Variants in BCL2L12 observed in about 807,000 individuals in gnomAD.
The protein encoded by BCL2L12 is bcl-2-like protein 12.
In BCL2L12, 27 loss-of-function variants were observed where a neutral mutation model predicts 25.7. The observed-to-expected ratio is 1.05, with a 90% CI of 0.78 to 1.45. The LOEUF is 1.45. Among genes scored for constraint, BCL2L12 ranks in the 40% most tolerant of loss-of-function variants. The probability of loss-of-function intolerance (pLI) is 0.00; values close to 1 mark genes in which losing one functional copy is unlikely to be tolerated. For synonymous variants in BCL2L12, 132 were observed against 145.6 expected (o/e 0.91, Z 0.67); for missense variants, 302 against 329.8 (o/e 0.92, Z 0.65).
At chr19:49,665,640 A>G, upstream of BCL2L12, 1 of 718,300 alleles carries the variant, frequency 1.4e-6, no homozygotes, top group South Asian at 2.0e-5. Context: ...CCTACGATGG[A>G]AGGTCGGGGC....
At position 49,667,175 on chromosome 19, in the gene BCL2L12, A is replaced by G. The variant is rs1476154303; in HGVS notation, c.250+14A>G. On this transcript the variant is annotated intron_variant, in intron 3 of 6. Transcript: ENST00000246784. ...GTTTAGAGCCTGGTAAGAGATTTCC[A>G]TGATCATCTATGAAGCCGGCAGAAC... 1.0e-5 allele frequency: 16 copies of G among 1,606,506 alleles called. No individual in the cohort carries two copies. The highest frequency in any genetic ancestry group is 2.2e-5 in the East Asian group (1 of 44,660).
At chr19:49,665,671 C>G, upstream of BCL2L12, 2 of 1,067,190 alleles carry the variant, frequency 1.9e-6, no homozygotes, top group Non-Finnish European at 2.7e-6. Flanking sequence ...CTGGAACCCA[C>G]CCCTGTCTTG....
At position 49,666,799 on chromosome 19, in the gene BCL2L12, G is replaced by T; in HGVS notation, c.107G>T (p.Arg36Ile). ...AAGSPVPTPP[R>I]SPAQEEPTDF... ...GGGTCTCCTGTTCCAACTCCACCTA[G>T]GTAAGAGGAGTGGCCCTTCTCCCCC... is the stretch of plus-strand genomic sequence containing the variant. Residue 36 changes from arginine to isoleucine, a missense_variant and splice_region_variant, in exon 2 of 7, where the codon AGA becomes ATA. By Grantham distance (97) the Arg-to-Ile change is moderately conservative. Transcript: ENST00000246784. The T allele has an allele frequency of 6.4e-7, 1 of 1,555,486 alleles. No individual in the cohort carries two copies. The highest frequency in any genetic ancestry group is 8.7e-7 in the Non-Finnish European group (1 of 1,148,796).
At chr19:49,671,690 GT>G (rs1259759945) in intron 6 of BCL2L12, among the ~76,000 whole-genome samples, 1 of 152,144 alleles carries the variant, frequency 6.6e-6, no homozygotes, top group Non-Finnish European at 1.5e-5. Context: ...CGCTCTGAGG[GT>G]TAAAATGGGG....
intron 6 of BCL2L12, 37 bp from the exon 7 acceptor site, chr19:49,673,661 G>T (rs749286229): frequency 1.3e-6 from 2 of 1,559,352 alleles, no homozygotes; most frequent in Admixed American, 1.7e-5. Context: ...GGGAACACCT[G>T]CCCTGCTCAC....
At chr19:49,669,504 C>T (rs1372797258) in intron 5 of BCL2L12, among the ~76,000 whole-genome samples, 1 of 150,490 alleles carries the variant, frequency 6.6e-6, no homozygotes, top group Non-Finnish European at 1.5e-5. Flanking sequence ...CCACTGCACT[C>T]CAGCCTGGGT....
chr19:49,671,022 C>T (rs763326412), intron 6 of BCL2L12, among the ~76,000 whole-genome samples: 1 of 151,698 alleles, frequency 6.6e-6, no homozygotes, highest in Non-Finnish European at 1.5e-5. Flanking sequence ...ATTAGCCGGG[C>T]GCGGTGGCAG....
intron 5 of BCL2L12, 38 bp from the exon 6 acceptor site, chr19:49,670,178 G>A (rs779675983): frequency 2.5e-6 from 4 of 1,585,934 alleles, no homozygotes; most frequent in Non-Finnish European, 2.6e-6. Context: ...GGCCCCGGGG[G>A]CGCTGCTGAC....
At chr19:49,665,231 A>G (rs2081619255), upstream of BCL2L12, 1 of 211,004 alleles carries the variant, frequency 4.7e-6, no homozygotes, top group Non-Finnish European at 9.7e-6. Flanking sequence ...TACCTCCTGC[A>G]CTTACCCCAA....
intron 2 of BCL2L12, 74 bp from the exon 3 acceptor site, chr19:49,666,945 G>A (rs879658055): frequency 1.3e-6 from 2 of 1,565,890 alleles, no homozygotes; most frequent in African/African-American, 2.7e-5. Context: ...CAGCGGGGGA[G>A]GGAGGGAGTT....
At chr19:49,668,135 G>A (rs2081863935) in intron 3 of BCL2L12, among the ~76,000 whole-genome samples, 1 of 113,566 alleles carries the variant, frequency 8.8e-6, no homozygotes, top group South Asian at 2.8e-4. Flanking sequence ...CGCCCTTGTT[G>A]CCCAGGCTGG....
In BCL2L12 at chr19:49,673,755, T is replaced by C; in HGVS notation, c.*7T>C. ...GAACTTGCCATTGGACTGAGCTCTTTCTCAGAAGCTGCTACAAGATGACAC... is the reference window on the plus strand; with the variant it reads ...GAACTTGCCATTGGACTGAGCTCTTCCTCAGAAGCTGCTACAAGATGACAC... On this transcript the variant is annotated 3_prime_UTR_variant, in exon 7 of 7. Coordinates refer to ENST00000246784, the MANE Select transcript of BCL2L12 (RefSeq NM_138639.2). 6.2e-7 allele frequency: 1 copy of C among 1,614,168 alleles called. No individual in the cohort carries two copies. The highest frequency in any genetic ancestry group is 8.5e-7 in the Non-Finnish European group (1 of 1,179,978).
At chr19:49,670,120 A>G (rs1256475297) in intron 5 of BCL2L12, 96 bp from the exon 6 acceptor site, 7 of 1,468,878 alleles carry the variant, frequency 4.8e-6, no homozygotes, top group Non-Finnish European at 5.4e-6. Flanking sequence ...CTTAGCATCT[A>G]GAACGATCCT....
At position 49,666,714 on chromosome 19, in the gene BCL2L12, G is replaced by A; in HGVS notation, c.22G>A (p.Gly8Arg). 6.4e-7 allele frequency: 1 copy of A among 1,554,728 alleles called. No homozygotes were observed. ...CTCCATGGCAGGCTCTGAAGAGCTG[G>A]GGCTCCGGGAAGACACGCTGAGGGT... MAGSEEL[G>R]LREDTLRVLA... is the part of the protein sequence containing the mutation. Residue 8 changes from glycine to arginine, a missense_variant, in exon 2 of 7, where the codon GGG becomes AGG. By Grantham distance (125) the Gly-to-Arg change is moderately radical (BLOSUM62 -2). Transcript: ENST00000246784.
At chr19:49,668,182 A>G (rs1304590760) in intron 3 of BCL2L12, among the ~76,000 whole-genome samples, 2 of 137,156 alleles carry the variant, frequency 1.5e-5, no homozygotes, top group Non-Finnish European at 1.5e-5. Context: ...CACAACCTCT[A>G]CCTCCCGGGT....
At chr19:49,669,236 G>A in intron 5 of BCL2L12, 121 bp downstream of exon 5, 1 of 1,491,214 alleles carries the variant, frequency 6.7e-7, no homozygotes. Flanking sequence ...CTGGGACAAG[G>A]TTTCAATGAA....
chr19:49,669,774 G>A (rs1306205806), intron 5 of BCL2L12, among the ~76,000 whole-genome samples: 2 of 152,122 alleles, frequency 1.3e-5, no homozygotes, highest in African/African-American at 4.8e-5. Context: ...GGCTTAGAAT[G>A]TAGGGGAAAA....
chr19:49,670,424 T>G lies in BCL2L12; in HGVS notation c.638T>G (p.Leu213Arg), dbSNP rs1369955865. 3 of 1,541,534 alleles carry G rather than the reference T, an allele frequency of 1.9e-6. No individual in the cohort carries two copies. The highest frequency in any genetic ancestry group is 4.2e-5 in the Admixed American group (2 of 47,678). Residue 213 changes from leucine (L) to arginine (R), a missense_variant, in exon 6 of 7, where the codon CTG becomes CGG. Transcript: ENST00000246784. ...SRRVAGLGGT[L>R]AGLSVEHVHS... The stretch of plus-strand genomic sequence containing the variant: ...CGCGTGGCCGGGCTGGGGGGCACCC[T>G]GGCCGGACTCAGCGTGGAGCACGTG...
chr19:49,672,723 G>C lies in BCL2L12; in HGVS notation c.703-975G>C, dbSNP rs963784573. ...TGCAGGGCGACATCTTAAGTTCCCCGAGATGGGGAAGGTGTGGGGATGGGG... is the reference window on the plus strand; with the variant it reads ...TGCAGGGCGACATCTTAAGTTCCCCCAGATGGGGAAGGTGTGGGGATGGGG... On this transcript the variant is annotated intron_variant, in intron 6 of 6. Coordinates refer to ENST00000246784, the MANE Select transcript of BCL2L12 (RefSeq NM_138639.2). This position sits in a 1 kb window ranked among gnomAD's most constrained non-coding sequence, Gnocchi z 4.1. Among the ~76,000 whole-genome samples, 1 of 151,276 alleles carries C rather than the reference G, an allele frequency of 6.6e-6. No homozygotes were observed. The highest frequency in any genetic ancestry group is 1.9e-4 in the East Asian group (1 of 5,136).
Sources: gnomAD v4.1 joint callset for allele counts (sites outside exome capture counted in the v4.1 genomes callset) on GRCh38, gnomAD v4.1.1 for gene constraint, Gnocchi (gnomAD v3.1) non-coding constraint, MANE v1.5 for transcripts, NCBI Gene and HGNC (gene_info 2026-07-23, HGNC 2026-07-21) for gene names.